The following WIPF3 variants were observed in gnomAD, a reference collection of about 807,000 sequenced individuals.
WIPF3 encodes the protein WAS/WASL interacting protein family member 3.
WIPF3 carries 33 observed loss-of-function variants against 38.9 expected under a neutral mutation model. The observed-to-expected ratio is 0.85, with a 90% confidence interval of 0.64 to 1.14. The LOEUF is 1.14. WIPF3 is among the 50% of genes most tolerant of loss of function. The pLI, the probability that WIPF3 is intolerant of heterozygous loss-of-function variation, is 0.00. For missense variants in WIPF3, 711 were observed against 652.5 expected, an observed-to-expected ratio of 1.09 and a Z score of -0.98; for synonymous variants, 324 against 269.3, an observed-to-expected ratio of 1.20 and a Z score of -1.99.
At position 29,846,528 on chromosome 7, in the gene WIPF3, C is replaced by T. The variant is rs146761536; in HGVS notation, c.90+11714C>T. ...CCAGCCTGGCCAATATGGTGAAACC[C>T]GATCTCTACTAAAAATACGAGAATT... On this transcript the variant is annotated intron_variant, in intron 2 of 8. Coordinates refer to ENST00000242140, the MANE Select transcript of WIPF3 (RefSeq NM_001080529.3). Among the ~76,000 whole-genome samples, 78 of 152,310 alleles carry T rather than the reference C, an allele frequency of 5.1e-4. No homozygotes were observed. In the East Asian group the frequency reaches 0.011, roughly 21 times the overall value.
At chr7:29,827,012 G>T (rs1784625788) in intron 1 of WIPF3, among the ~76,000 whole-genome samples, 2 of 152,116 alleles carry the variant, frequency 1.3e-5, no homozygotes, top group Admixed American at 6.6e-5. Context: ...GGGTGTCATG[G>T]TGCTTAAAAA....
chr7:29,914,325 C>A (rs1473503713), intron 8 of WIPF3, among the ~76,000 whole-genome samples, 168 bp from the exon 9 acceptor site: 1 of 152,196 alleles, frequency 6.6e-6, no homozygotes, highest in African/African-American at 2.4e-5. Context: ...CCACCCACAG[C>A]CCCTTGGGTA....
intron 7 of WIPF3, among the ~76,000 whole-genome samples, chr7:29,893,265 G>T (rs904158289): frequency 2.6e-5 from 4 of 152,006 alleles, no homozygotes; most frequent in African/African-American, 9.7e-5. Context: ...GAGGTGATGG[G>T]ATTCCTGTCA....
At chr7:29,826,855 G>T (rs1309563020) in intron 1 of WIPF3, among the ~76,000 whole-genome samples, 1 of 152,176 alleles carries the variant, frequency 6.6e-6, no homozygotes, top group African/African-American at 2.4e-5. Flanking sequence ...GTGCTTAAGA[G>T]CCTGGCCTCT....
intron 2 of WIPF3, among the ~76,000 whole-genome samples, chr7:29,870,860 G>A (rs1157315732): frequency 6.6e-6 from 1 of 152,000 alleles, no homozygotes; most frequent in Non-Finnish European, 1.5e-5. Context: ...CAGAGGCTGA[G>A]GCAGAAGAAT....
At chr7:29,849,733 T>G (rs174949) in intron 2 of WIPF3, among the ~76,000 whole-genome samples, 113,426 of 152,160 alleles carry the variant, frequency 0.75, 42,881 homozygotes, top group East Asian at 0.87. Context: ...ATACACGTGT[T>G]TGTATTTCTT....
intron 2 of WIPF3, among the ~76,000 whole-genome samples, chr7:29,842,462 C>T (rs1426578999): frequency 6.6e-6 from 1 of 152,198 alleles, no homozygotes; most frequent in Non-Finnish European, 1.5e-5. Context: ...TTATCGCACC[C>T]CTAGCTGTTT....
Position 29,878,951 on chromosome 7 carries a change from G to T in WIPF3, c.224-58G>T. On this transcript the variant is annotated intron_variant, in intron 3 of 8. Transcript: ENST00000242140. This position sits in a 1 kb window ranked among gnomAD's most constrained non-coding sequence, Gnocchi z 4.0. Reference sequence around the variant, plus strand: ...AGTGTTAGACCATGGTCTGAAATGAGACCTGGCTGCTCAGCTCTGCTCTCA... The same window carrying T: ...AGTGTTAGACCATGGTCTGAAATGATACCTGGCTGCTCAGCTCTGCTCTCA... 1.3e-6 allele frequency: 2 copies of T among 1,542,072 alleles called. No individual in the cohort carries two copies. Among genetic ancestry groups the T allele is most frequent in the South Asian group, 1.2e-5 (1 of 84,006 alleles).
At chr7:29,879,259 TAGA>T (rs1295349664) in intron 4 of WIPF3, 119 bp downstream of exon 4, 2 of 1,268,434 alleles carry the variant, frequency 1.6e-6, no homozygotes, top group Non-Finnish European at 2.2e-6. Context: ...CATGATAGAG[TAGA>T]AGATCATGTT....
intron 1 of WIPF3, among the ~76,000 whole-genome samples, chr7:29,813,323 C>G (rs983815186): frequency 1.8e-4 from 27 of 152,192 alleles, no homozygotes; most frequent in African/African-American, 6.3e-4. Flanking sequence ...ACACAGATGT[C>G]TAACAACATC....
intron 2 of WIPF3, among the ~76,000 whole-genome samples, chr7:29,873,216 G>C (rs189788426): frequency 3.9e-5 from 6 of 152,196 alleles, no homozygotes; most frequent in African/African-American, 1.4e-4. Flanking sequence ...GGGCTAGTGA[G>C]GGATGGGGTT....
At chr7:29,897,736 G>C (rs536587273) in intron 7 of WIPF3, among the ~76,000 whole-genome samples, 15 of 152,230 alleles carry the variant, frequency 9.9e-5, no homozygotes, top group African/African-American at 3.1e-4. Flanking sequence ...CATACTGCCA[G>C]TAGGAGGGTA....
At position 29,875,836 on chromosome 7, in the gene WIPF3, A is replaced by T; in HGVS notation, c.97A>T (p.Thr33Ser). ...PPPPSAPPVS[T>S]DTSSLRRADP... is the part of the protein sequence containing the mutation. Reference sequence around the variant, plus strand: ...CCCTTTTACTCCCTTACAGGTAAGCACAGACACCTCCAGCTTGCGAAGGGC... The same window carrying T: ...CCCTTTTACTCCCTTACAGGTAAGCTCAGACACCTCCAGCTTGCGAAGGGC... Residue 33 changes from threonine (T) to serine (S), a missense_variant, in exon 3 of 9, where the codon ACA becomes TCA. Transcript: ENST00000242140. The T allele has an allele frequency of 6.2e-7, 1 of 1,614,002 alleles. No individual in the cohort carries two copies. The highest frequency in any genetic ancestry group is 8.5e-7 in the Non-Finnish European group (1 of 1,179,840).
Position 29,845,030 on chromosome 7 carries a change from CT to C in WIPF3, c.90+10230del, listed in dbSNP as rs780163235. On this transcript the variant is annotated intron_variant, in intron 2 of 8. Transcript: ENST00000242140. Reference sequence around the variant, plus strand: ...CCTCCTGAGATTGCTGTTTTCTTTCCTTTTTTTTTTTTTTCTGTGTGGTTCC... The same window carrying C: ...CCTCCTGAGATTGCTGTTTTCTTTCCTTTTTTTTTTTTTCTGTGTGGTTCC... Among the ~76,000 whole-genome samples, 575 of 138,972 alleles carry C rather than the reference CT, an allele frequency of 4.1e-3. 1 individual carries two copies. Among genetic ancestry groups the C allele is most frequent in the South Asian group, 0.011 (48 of 4,402 alleles). 91.2% of individuals were successfully genotyped at this position (138,972 alleles called of 152,430 possible).
At chr7:29,880,031 G>A (rs1214276920) in intron 4 of WIPF3, among the ~76,000 whole-genome samples, 1 of 152,192 alleles carries the variant, frequency 6.6e-6, no homozygotes. Flanking sequence ...TCAAGCATAA[G>A]TGGGTAATGA....
At position 29,883,974 on chromosome 7, in the gene WIPF3, C is replaced by T. The variant is rs1380737013; in HGVS notation, c.480C>T (p.Gly160=). 1.3e-6 allele frequency: 2 copies of T among 1,542,444 alleles called. No individual in the cohort carries two copies. Among genetic ancestry groups the T allele is most frequent in the Non-Finnish European group, 8.8e-7 (1 of 1,142,616 alleles). The stretch of plus-strand genomic sequence containing the variant: ...TAGGCAATACCTCCGAGGCGCATGG[C>T]GCTGCCAGGACAGCCCCGCCTCGCC... ...PRLGNTSEAH[G]AARTAPPRPN... is the part of the protein sequence containing the mutation. Residue 160 remains glycine, a synonymous_variant, in exon 5 of 9, where the codon GGC becomes GGT. Transcript: ENST00000242140.
chr7:29,901,565 C>T (rs1010126332), intron 7 of WIPF3, among the ~76,000 whole-genome samples: 2 of 151,350 alleles, frequency 1.3e-5, no homozygotes, highest in African/African-American at 2.4e-5. Flanking sequence ...CTGAGGTGGG[C>T]GGATCGCTTG....
intron 2 of WIPF3, among the ~76,000 whole-genome samples, chr7:29,867,749 G>T (rs1337114846): frequency 1.3e-5 from 2 of 152,030 alleles, no homozygotes; most frequent in Non-Finnish European, 2.9e-5. Context: ...GTGGCCAAAG[G>T]ATAAAAAGGG....
At chr7:29,815,614 G>A (rs1228960637) in intron 1 of WIPF3, among the ~76,000 whole-genome samples, 1 of 152,176 alleles carries the variant, frequency 6.6e-6, no homozygotes, top group Admixed American at 6.5e-5. Flanking sequence ...GAGCCCCCAC[G>A]TGTTATTTCA....
Sources: allele counts gnomAD v4.1 joint callset (sites outside exome capture counted in the v4.1 genomes callset), GRCh38; gene constraint gnomAD v4.1.1; non-coding constraint Gnocchi (gnomAD v3.1); transcripts MANE v1.5; gene names NCBI Gene and HGNC (gene_info 2026-07-23, HGNC 2026-07-21).